NDUFS4: variants seen among roughly 807,000 people sequenced by gnomAD.
The protein encoded by NDUFS4 is NADH:ubiquinone oxidoreductase subunit S4.
In NDUFS4, 28 loss-of-function variants were observed where a neutral mutation model predicts 24.3. That is an observed-to-expected ratio of 1.15 (90% CI 0.85 to 1.58). The LOEUF is 1.58. NDUFS4 is among the 40% of genes most tolerant of loss of function. The pLI, the probability that NDUFS4 is intolerant of heterozygous loss-of-function variation, is 0.00. For synonymous variants in NDUFS4, 93 were observed against 69.7 expected, an observed-to-expected ratio of 1.34 and a Z score of -1.67; for missense variants, 223 against 207.9, an observed-to-expected ratio of 1.07 and a Z score of -0.45.
At chr5:53,621,535 A>T (rs1425436212) in intron 2 of NDUFS4, among the ~76,000 whole-genome samples, 1 of 151,720 alleles carries the variant, frequency 6.6e-6, no homozygotes, top group Non-Finnish European at 1.5e-5. Context: ...TACAATATGC[A>T]TCCTTAACTT....
chr5:53,584,482 A>G (rs916196450), intron 1 of NDUFS4, among the ~76,000 whole-genome samples: 7 of 151,642 alleles, frequency 4.6e-5, no homozygotes, highest in African/African-American at 1.7e-4. Context: ...CAGCCTCCCG[A>G]GTAGGTGCCA....
chr5:53,633,727 T>G (rs1043910190), intron 2 of NDUFS4, among the ~76,000 whole-genome samples: 9 of 152,220 alleles, frequency 5.9e-5, no homozygotes, highest in Non-Finnish European at 1.2e-4. Context: ...GAAGAAAAGA[T>G]ATTTTGTCTC....
At chr5:53,644,207 T>C (rs1751784594) in intron 2 of NDUFS4, among the ~76,000 whole-genome samples, 1 of 152,176 alleles carries the variant, frequency 6.6e-6, no homozygotes, top group South Asian at 2.1e-4. Context: ...CCTCTAATCT[T>C]CCTGAGGTAA....
chr5:53,645,912 G>A (rs1195463694), intron 2 of NDUFS4, among the ~76,000 whole-genome samples: 1 of 151,996 alleles, frequency 6.6e-6, no homozygotes, highest in African/African-American at 2.4e-5. Context: ...CACAAAGTAA[G>A]AGCATTGTTG....
chr5:53,638,384 A>C (rs1006310619), intron 2 of NDUFS4, among the ~76,000 whole-genome samples: 1 of 152,156 alleles, frequency 6.6e-6, no homozygotes, highest in African/African-American at 2.4e-5. Context: ...AAAAGGTTTA[A>C]AGCATTTGAT....
intron 4 of NDUFS4, among the ~76,000 whole-genome samples, chr5:53,671,950 T>C (rs1042773708): frequency 6.6e-6 from 1 of 152,166 alleles, no homozygotes; most frequent in Non-Finnish European, 1.5e-5. Context: ...GGAAGGTTTC[T>C]TTCAGGAATA....
intron 1 of NDUFS4, among the ~76,000 whole-genome samples, chr5:53,588,626 A>G (rs960542176): frequency 2.6e-5 from 4 of 152,140 alleles, no homozygotes; most frequent in South Asian, 2.1e-4. Flanking sequence ...TTTCTTCTGC[A>G]TGTATTCATT....
At chr5:53,595,610 T>G (rs1250513384) in intron 1 of NDUFS4, among the ~76,000 whole-genome samples, 1 of 152,222 alleles carries the variant, frequency 6.6e-6, no homozygotes, top group Non-Finnish European at 1.5e-5. Flanking sequence ...TCTTTCTCCT[T>G]TACATTTTCC....
chr5:53,638,780 C>G (rs933307319), intron 2 of NDUFS4, among the ~76,000 whole-genome samples: 1 of 152,000 alleles, frequency 6.6e-6, no homozygotes, highest in Non-Finnish European at 1.5e-5. Flanking sequence ...AAAGGAAAAC[C>G]TTCACTTTCT....
At chr5:53,623,085 G>A (rs1751102610) in intron 2 of NDUFS4, among the ~76,000 whole-genome samples, 2 of 152,178 alleles carry the variant, frequency 1.3e-5, no homozygotes, top group Admixed American at 1.3e-4. Context: ...TAATATGGAT[G>A]TCTAAATATT....
At chr5:53,619,262 A>G (rs989493548) in intron 2 of NDUFS4, among the ~76,000 whole-genome samples, 3 of 150,758 alleles carry the variant, frequency 2.0e-5, no homozygotes, top group African/African-American at 7.3e-5. Context: ...GGAGTTCAAG[A>G]CCAGCTTGGC....
chr5:53,643,644 G>A (rs1174333859), intron 2 of NDUFS4, among the ~76,000 whole-genome samples: 1 of 152,090 alleles, frequency 6.6e-6, no homozygotes, highest in African/African-American at 2.4e-5. Flanking sequence ...GATAACAATA[G>A]GGTGTCGTGA....
chr5:53,668,737 A>C (rs1432801050), intron 4 of NDUFS4, among the ~76,000 whole-genome samples: 1 of 151,748 alleles, frequency 6.6e-6, no homozygotes, highest in East Asian at 1.9e-4. Context: ...CTGCAATTAC[A>C]GGTGTAAGCC....
chr5:53,663,393 T>C (rs1344245771), intron 4 of NDUFS4, among the ~76,000 whole-genome samples: 1 of 152,138 alleles, frequency 6.6e-6, no homozygotes, highest in African/African-American at 2.4e-5. Flanking sequence ...CCTTGTTAAC[T>C]TCCTGTCTCA....
intron 1 of NDUFS4, among the ~76,000 whole-genome samples, chr5:53,575,707 AATTTTTGT>A (rs1749363596): frequency 6.6e-6 from 1 of 151,618 alleles, no homozygotes; most frequent in African/African-American, 2.4e-5. Flanking sequence ...ATGTCTGGCT[AATTTTTGT>A]ATTTTTGTAG....
intron 1 of NDUFS4, among the ~76,000 whole-genome samples, chr5:53,575,890 A>G (rs1350095875): frequency 1.3e-5 from 2 of 152,164 alleles, no homozygotes; most frequent in African/African-American, 4.8e-5. Flanking sequence ...GGTGGGAGAA[A>G]GGGAGGAATT....
intron 1 of NDUFS4, among the ~76,000 whole-genome samples, chr5:53,572,455 A>G (rs1305318246): frequency 6.6e-6 from 1 of 152,156 alleles, no homozygotes; most frequent in Admixed American, 6.5e-5. Context: ...TCAGATGTGT[A>G]ATTTTCAAAT....
intron 4 of NDUFS4, among the ~76,000 whole-genome samples, chr5:53,665,063 G>T (rs1260441884): frequency 6.6e-6 from 1 of 152,216 alleles, no homozygotes. Context: ...ACCCTCAGCT[G>T]CAGGTCTGTT....
At chr5:53,656,778 T>C (rs1323054961) in intron 3 of NDUFS4, among the ~76,000 whole-genome samples, 2 of 152,148 alleles carry the variant, frequency 1.3e-5, no homozygotes, top group Non-Finnish European at 2.9e-5. Flanking sequence ...ATTTGAACTT[T>C]AGGAAGACAT....
Sources: allele counts gnomAD v4.1 joint callset (sites outside exome capture counted in the v4.1 genomes callset), GRCh38; gene constraint gnomAD v4.1.1; transcripts MANE v1.5; gene names NCBI Gene and HGNC (gene_info 2026-07-23, HGNC 2026-07-21).